ASIC2: variants seen among roughly 807,000 people sequenced by gnomAD.
The protein encoded by ASIC2 is acid-sensing ion channel 2.
A neutral mutation model predicts 57.3 loss-of-function variants in ASIC2; 25 were observed. That is an observed-to-expected ratio of 0.44 (90% CI 0.32 to 0.61). The LOEUF (loss-of-function observed/expected upper bound fraction) is 0.61, where lower values mean the gene tolerates loss of function less well. Ranked by LOEUF, ASIC2 falls within the 20% of genes least tolerant of loss-of-function variation. The pLI, the probability that ASIC2 is intolerant of heterozygous loss-of-function variation, is 0.06. For missense variants in ASIC2, 641 were observed against 738.1 expected, an observed-to-expected ratio of 0.87 and a Z score of 1.52; for synonymous variants, 319 against 307.5, an observed-to-expected ratio of 1.04 and a Z score of -0.39.
chr17:33,251,750 T>C (rs1485147440), intron 1 of ASIC2, among the ~76,000 whole-genome samples: 1 of 152,218 alleles, frequency 6.6e-6, no homozygotes, highest in Non-Finnish European at 1.5e-5. Context: ...AGTGGCCTAC[T>C]CAATGTCATA....
At chr17:33,546,147 A>G (rs1440647430) in intron 1 of ASIC2, among the ~76,000 whole-genome samples, 1 of 150,014 alleles carries the variant, frequency 6.7e-6, no homozygotes, top group Non-Finnish European at 1.5e-5. Context: ...ACATATGTAT[A>G]TGTAAATATA....
At chr17:33,410,921 C>G (rs1192131981) in intron 1 of ASIC2, among the ~76,000 whole-genome samples, 1 of 150,568 alleles carries the variant, frequency 6.6e-6, no homozygotes, top group Non-Finnish European at 1.5e-5. Context: ...CTTATTGGAA[C>G]TGTGTCTGGC....
At chr17:33,561,716 G>A (rs1015586285) in intron 1 of ASIC2, among the ~76,000 whole-genome samples, 1 of 148,960 alleles carries the variant, frequency 6.7e-6, no homozygotes, top group African/African-American at 2.6e-5. Context: ...TGAAAGAAGA[G>A]CAGGCAGGAG....
intron 1 of ASIC2, among the ~76,000 whole-genome samples, chr17:33,438,818 G>C (rs919634148): frequency 6.6e-6 from 1 of 151,232 alleles, no homozygotes; most frequent in Admixed American, 6.6e-5. Context: ...CTGGGGTTCT[G>C]GGGTGGAGAA....
chr17:33,433,713 C>T, intron 1 of ASIC2, among the ~76,000 whole-genome samples: 1 of 152,112 alleles, frequency 6.6e-6, no homozygotes, highest in Non-Finnish European at 1.5e-5. Flanking sequence ...CGTGCCAGTG[C>T]ACTCCAGCCT....
chr17:33,804,864 T>C (rs1343330218), intron 1 of ASIC2, among the ~76,000 whole-genome samples: 1 of 151,930 alleles, frequency 6.6e-6, no homozygotes, highest in African/African-American at 2.4e-5. Flanking sequence ...TCAGAAATAA[T>C]TTTGCATTTG....
intron 1 of ASIC2, among the ~76,000 whole-genome samples, chr17:33,703,337 C>CTTT (rs1908765578): frequency 7.9e-6 from 1 of 127,376 alleles, no homozygotes; most frequent in African/African-American, 3.0e-5. Flanking sequence ...TTTTTTGTTG[C>CTTT]TGTTGTTGTT....
intron 3 of ASIC2, among the ~76,000 whole-genome samples, chr17:33,059,370 C>T (rs2092011654): frequency 6.6e-6 from 1 of 152,116 alleles, no homozygotes; most frequent in Non-Finnish European, 1.5e-5. Context: ...CAAGTGTTCT[C>T]ATTATTCAAT....
At chr17:34,037,381 G>C in intron 1 of ASIC2, 1 of 451,898 alleles carries the variant, frequency 2.2e-6, no homozygotes, top group East Asian at 3.8e-5. Flanking sequence ...CACAGTGGCC[G>C]TTGACGCTGG....
At chr17:33,293,795 A>T (rs563332750), upstream of ASIC2, among the ~76,000 whole-genome samples, 1 of 152,088 alleles carries the variant, frequency 6.6e-6, no homozygotes, top group South Asian at 2.1e-4. Flanking sequence ...TGTAGTGTCT[A>T]TGGTGACGTG....
intron 1 of ASIC2, among the ~76,000 whole-genome samples, chr17:33,237,976 A>G (rs1359043269): frequency 6.6e-6 from 1 of 152,124 alleles, no homozygotes; most frequent in East Asian, 1.9e-4. Context: ...AATCCTTCCC[A>G]TGGAACTGGG....
At chr17:33,815,956 A>T (rs1272184254) in intron 1 of ASIC2, among the ~76,000 whole-genome samples, 1 of 152,198 alleles carries the variant, frequency 6.6e-6, no homozygotes, top group African/African-American at 2.4e-5. Flanking sequence ...GAGGATAGAC[A>T]TGTGGGCTAT....
chr17:33,352,428 T>G (rs1255321127), intron 1 of ASIC2, among the ~76,000 whole-genome samples: 1 of 152,206 alleles, frequency 6.6e-6, no homozygotes, highest in Admixed American at 6.5e-5. Flanking sequence ...TCTTACCTTG[T>G]GCTTGCACCT....
chr17:33,971,442 C>G (rs1166003979), intron 1 of ASIC2, among the ~76,000 whole-genome samples: 2 of 152,178 alleles, frequency 1.3e-5, no homozygotes, highest in African/African-American at 4.8e-5. Flanking sequence ...CACACAAATG[C>G]ATACACAAAC....
chr17:33,659,077 C>T (rs138073683), intron 1 of ASIC2, among the ~76,000 whole-genome samples: 2 of 152,294 alleles, frequency 1.3e-5, no homozygotes, highest in Admixed American at 6.5e-5. Flanking sequence ...TAGATTTCAA[C>T]GTGAATTTCG....
chr17:33,043,855 C>T (rs2091939235), intron 3 of ASIC2, among the ~76,000 whole-genome samples: 2 of 152,166 alleles, frequency 1.3e-5, no homozygotes, highest in African/African-American at 2.4e-5. Flanking sequence ...GAATCACACA[C>T]AGCTGATTGT....
intron 1 of ASIC2, among the ~76,000 whole-genome samples, chr17:33,537,137 G>A (rs189143669): frequency 6.6e-6 from 1 of 152,252 alleles, no homozygotes; most frequent in African/African-American, 2.4e-5. Context: ...TTACACATCT[G>A]GCATCTGCCC....
At chr17:33,325,304 A>T (rs35024811) in intron 1 of ASIC2, among the ~76,000 whole-genome samples, 17,295 of 152,206 alleles carry the variant, frequency 0.11, 1,028 homozygotes, top group Middle Eastern at 0.18. Context: ...TGACCTAAAC[A>T]GGTTTGGGAT....
intron 1 of ASIC2, among the ~76,000 whole-genome samples, chr17:33,383,132 A>T (rs1597707628): frequency 1.3e-5 from 2 of 152,214 alleles, no homozygotes; most frequent in Admixed American, 1.3e-4. Context: ...TCTGTGAAAA[A>T]TTTTTAAAGT....
Sources: gnomAD v4.1 joint callset for allele counts (sites outside exome capture counted in the v4.1 genomes callset) on GRCh38, gnomAD v4.1.1 for gene constraint, MANE v1.5 for transcripts, NCBI Gene and HGNC (gene_info 2026-07-23, HGNC 2026-07-21) for gene names.